The following DCDC1 variants were observed in gnomAD, a reference collection of about 807,000 sequenced individuals.
DCDC1 encodes the protein doublecortin domain-containing protein 1.
Under a neutral mutation model 178.3 loss-of-function variants are expected in DCDC1, and 200 were observed. The ratio of observed to expected loss-of-function variants is 1.12; its 90% CI spans 1.00 to 1.26. The LOEUF is 1.26. DCDC1 is among the 50% of genes most tolerant of loss of function. The probability of loss-of-function intolerance (pLI) is 0.00; values close to 1 mark genes in which losing one functional copy is unlikely to be tolerated. For synonymous variants in DCDC1, 690 were observed against 604.8 expected, an observed-to-expected ratio of 1.14 and a Z score of -2.07; for missense variants, 1,983 against 1,749.2, an observed-to-expected ratio of 1.13 and a Z score of -2.38.
chr11:31,016,991 T>G (rs1312474528), intron 20 of DCDC1, among the ~76,000 whole-genome samples: 2 of 152,232 alleles, frequency 1.3e-5, no homozygotes, highest in Non-Finnish European at 2.9e-5. Context: ...GTCCAGAAAT[T>G]GTTTGATTGT....
intron 9 of DCDC1, among the ~76,000 whole-genome samples, chr11:31,235,249 A>G (rs1229737721): frequency 6.6e-6 from 1 of 152,078 alleles, no homozygotes; most frequent in Non-Finnish European, 1.5e-5. Flanking sequence ...AGTCATTCAC[A>G]CACAGACATA....
intron 20 of DCDC1, among the ~76,000 whole-genome samples, chr11:31,050,347 A>G (rs559996451): frequency 6.6e-6 from 1 of 152,302 alleles, no homozygotes; most frequent in East Asian, 1.9e-4. Context: ...AGCTGCAGCA[A>G]GACCTGCCCA....
chr11:31,275,916 A>G (rs944295786), intron 7 of DCDC1, among the ~76,000 whole-genome samples: 5 of 152,228 alleles, frequency 3.3e-5, no homozygotes, highest in Non-Finnish European at 7.3e-5. Flanking sequence ...AAGGCTAATC[A>G]TTCATAGAGA....
intron 21 of DCDC1, chr11:30,944,239 T>A: frequency 2.2e-6 from 1 of 446,194 alleles, no homozygotes; most frequent in Non-Finnish European, 4.5e-6. Flanking sequence ...TCCTTCCTTT[T>A]CTTGTTTCTT....
intron 20 of DCDC1, among the ~76,000 whole-genome samples, chr11:31,044,287 C>G (rs938186987): frequency 2.6e-5 from 4 of 152,042 alleles, no homozygotes; most frequent in African/African-American, 9.7e-5. Flanking sequence ...ACCATCCTGG[C>G]TAACGTGGTG....
At chr11:31,030,216 A>C (rs1953530191) in intron 20 of DCDC1, among the ~76,000 whole-genome samples, 1 of 152,126 alleles carries the variant, frequency 6.6e-6, no homozygotes, top group Non-Finnish European at 1.5e-5. Context: ...CACTCAGTGA[A>C]AATCAATTAC....
intron 7 of DCDC1, among the ~76,000 whole-genome samples, chr11:31,281,665 T>C (rs1946443792): frequency 6.6e-6 from 1 of 152,044 alleles, no homozygotes; most frequent in Non-Finnish European, 1.5e-5. Flanking sequence ...CAGTGGGAGA[T>C]AATTGAATCA....
chr11:31,294,858 GAA>G (rs1947563066), intron 6 of DCDC1, among the ~76,000 whole-genome samples: 15 of 118,998 alleles, frequency 1.3e-4, no homozygotes, highest in South Asian at 5.7e-4. Flanking sequence ...AAGAAAGAAA[GAA>G]AGAAAGAAAA....
chr11:31,308,848 C>T (rs1308155851), intron 3 of DCDC1, among the ~76,000 whole-genome samples: 1 of 152,104 alleles, frequency 6.6e-6, no homozygotes, highest in Non-Finnish European at 1.5e-5. Context: ...TTACCATAAT[C>T]GGAAGTATCT....
intron 21 of DCDC1, among the ~76,000 whole-genome samples, chr11:30,935,091 T>C (rs750930687): frequency 3.9e-5 from 6 of 152,280 alleles, no homozygotes; most frequent in African/African-American, 4.8e-5. Flanking sequence ...ACAGCTGGAT[T>C]GTCAATGGTG....
At chr11:31,066,824 T>G (rs1051593483) in intron 18 of DCDC1, among the ~76,000 whole-genome samples, 1 of 152,192 alleles carries the variant, frequency 6.6e-6, no homozygotes, top group African/African-American at 2.4e-5. Context: ...CCATAGAATG[T>G]GCACCACCAA....
At chr11:31,225,696 TATATATATCTAGGTAG>T (rs959976548) in intron 9 of DCDC1, among the ~76,000 whole-genome samples, 4 of 150,042 alleles carry the variant, frequency 2.7e-5, no homozygotes, top group Admixed American at 1.3e-4. Context: ...AAAAATTATA[TATATATATCTAGGTAG>T]ATATATATCT....
intron 20 of DCDC1, among the ~76,000 whole-genome samples, chr11:31,047,292 C>G (rs184875147): frequency 3.3e-5 from 5 of 152,056 alleles, no homozygotes; most frequent in Non-Finnish European, 4.4e-5. Flanking sequence ...AAAACATGTT[C>G]ACAGAAAATC....
chr11:31,180,698 G>A (rs899284229), intron 9 of DCDC1, among the ~76,000 whole-genome samples: 3 of 152,176 alleles, frequency 2.0e-5, no homozygotes, highest in Non-Finnish European at 2.9e-5. Flanking sequence ...CATGGCCTTC[G>A]CAACCCACAG....
At chr11:31,063,632 A>G (rs1956082049) in intron 20 of DCDC1, among the ~76,000 whole-genome samples, 1 of 152,110 alleles carries the variant, frequency 6.6e-6, no homozygotes, top group African/African-American at 2.4e-5. Flanking sequence ...TAATCCCATC[A>G]CTTTGGGAGA....
chr11:31,079,873 A>G (rs2135572168), intron 17 of DCDC1, among the ~76,000 whole-genome samples: 1 of 152,306 alleles, frequency 6.6e-6, no homozygotes, highest in Middle Eastern at 3.4e-3. Flanking sequence ...ACATGACACT[A>G]TTAAAGGAAA....
At chr11:31,152,402 T>C (rs1336284469) in intron 9 of DCDC1, among the ~76,000 whole-genome samples, 3 of 152,154 alleles carry the variant, frequency 2.0e-5, no homozygotes, top group Non-Finnish European at 2.9e-5. Context: ...AAGCTAAAAG[T>C]CTCCACCACA....
rs559708492 is a variant in DCDC1, at chr11:30,933,755, C to T, written c.2716-1803G>A. ...GACGTAGAGGCACAACATCCCACTGCTGTTAAGACTCCTGCCACAATTATA... is the reference window on the plus strand; with the variant it reads ...GACGTAGAGGCACAACATCCCACTGTTGTTAAGACTCCTGCCACAATTATA... On this transcript the variant is annotated intron_variant, in intron 21 of 38. Coordinates refer to ENST00000684477, the MANE Select transcript of DCDC1 (RefSeq NM_001387274.1). Among the ~76,000 whole-genome samples, 3 of 152,302 alleles carry T rather than the reference C, an allele frequency of 2.0e-5. No homozygotes were observed. In the South Asian group the frequency reaches 6.2e-4, roughly 32 times the overall value.
At chr11:31,264,799 G>A (rs558959185) in intron 8 of DCDC1, among the ~76,000 whole-genome samples, 6 of 152,200 alleles carry the variant, frequency 3.9e-5, no homozygotes, top group Admixed American at 1.3e-4. Context: ...ATGATGTGCC[G>A]GAGCCAACTT....
Sources: allele counts gnomAD v4.1 joint callset (sites outside exome capture counted in the v4.1 genomes callset), GRCh38; gene constraint gnomAD v4.1.1; transcripts MANE v1.5; gene names NCBI Gene and HGNC (gene_info 2026-07-23, HGNC 2026-07-21).